CUL1: variants seen among roughly 807,000 people sequenced by gnomAD.
The protein encoded by CUL1 is cullin 1.
In CUL1, 24 loss-of-function variants were observed where a neutral mutation model predicts 118.0. The ratio of observed to expected loss-of-function variants is 0.20; its 90% confidence interval spans 0.15 to 0.29. The LOEUF (loss-of-function observed/expected upper bound fraction) is 0.29. CUL1 is among the 10% of genes least tolerant of loss of function. The pLI is 1.00. For missense variants in CUL1, 361 were observed against 933.8 expected (o/e 0.39, Z 7.99); for synonymous variants, 332 against 340.4 (o/e 0.98, Z 0.27).
At chr7:148,758,842 A>G (rs1379754324) in intron 4 of CUL1, among the ~76,000 whole-genome samples, 1 of 152,156 alleles carries the variant, frequency 6.6e-6, no homozygotes, top group Non-Finnish European at 1.5e-5. Context: ...TGTGTACACC[A>G]TGCCTTTTTG....
chr7:148,753,566 C>T (rs760775419), intron 2 of CUL1, among the ~76,000 whole-genome samples: 5 of 152,204 alleles, frequency 3.3e-5, no homozygotes, highest in African/African-American at 1.2e-4. Flanking sequence ...GAATCTGTGC[C>T]TCTGAAAAAG....
chr7:148,714,138 A>C (rs572276616), intron 1 of CUL1, among the ~76,000 whole-genome samples: 68 of 152,338 alleles, frequency 4.5e-4, no homozygotes, highest in Non-Finnish European at 9.1e-4. Flanking sequence ...CAATTCTGAG[A>C]AGTCGGTATT....
At position 148,754,424 on chromosome 7, in the gene CUL1, C is replaced by T. The variant is rs77326806; in HGVS notation, c.315+274C>T. On this transcript the variant is annotated intron_variant, in intron 3 of 21. Transcript: ENST00000325222. ...CTGGGCTCAAGTGATCCTTCCACTT[C>T]GGCCTCCTGAGTAGCTGAGACTCTG... 4.5e-3 allele frequency among the ~76,000 whole-genome samples: 682 copies of T among 152,230 alleles called. 8 individuals are homozygous for T. Among genetic ancestry groups the T allele is most frequent in the African/African-American group, 0.015 (631 of 41,552 alleles).
intron 9 of CUL1, among the ~76,000 whole-genome samples, chr7:148,774,911 G>A (rs1437612282): frequency 6.6e-6 from 1 of 152,228 alleles, no homozygotes; most frequent in African/African-American, 2.4e-5. Flanking sequence ...CAGGATTGGG[G>A]TGATGGTATA....
At chr7:148,730,892 G>A (rs762971475) in intron 2 of CUL1, among the ~76,000 whole-genome samples, 39 of 152,112 alleles carry the variant, frequency 2.6e-4, no homozygotes, top group Non-Finnish European at 4.9e-4. Context: ...GCTCACCGCA[G>A]CCTCAACTAC....
At position 148,800,122 on chromosome 7, in the gene CUL1, C is replaced by G. The variant is rs1019606459; in HGVS notation, c.2251-380C>G. Among the ~76,000 whole-genome samples, 1 of 152,178 alleles carries G rather than the reference C, an allele frequency of 6.6e-6. No individual in the cohort carries two copies. The highest frequency in any genetic ancestry group is 1.5e-5 in the Non-Finnish European group (1 of 68,046). On this transcript the variant is annotated intron_variant, in intron 21 of 21. Transcript: ENST00000325222. The surrounding 1 kb of genome is among the most constrained non-coding windows in gnomAD (Gnocchi z 4.6). ...AGGTGCCAGTTCGTTCATGGCTGTT[C>G]AGGGAGTTCCCCACAGTCCCCTGTT...
Position 148,730,142 on chromosome 7 carries a change from A to G in CUL1, c.20A>G (p.Gln7Arg). Reference protein sequence around the residue: MSSTRSQNPHGLKQIGL... With the variant: MSSTRSRNPHGLKQIGL... Reference sequence around the variant, plus strand: ...CTCACAATGTCGTCAACCCGGAGCCAGAACCCCCACGGCCTGAAGCAGATT... The same window carrying G: ...CTCACAATGTCGTCAACCCGGAGCCGGAACCCCCACGGCCTGAAGCAGATT... Residue 7 changes from glutamine (Q) to arginine (R), a missense_variant, in exon 2 of 22, where the codon CAG becomes CGG. Coordinates refer to ENST00000325222, the MANE Select transcript of CUL1 (RefSeq NM_003592.3). 6.2e-7 allele frequency: 1 copy of G among 1,613,910 alleles called. No homozygotes were observed. The highest frequency in any genetic ancestry group is 8.5e-7 in the Non-Finnish European group (1 of 1,179,968).
At chr7:148,792,889 G>A in intron 17 of CUL1, 71 bp downstream of exon 17, 1 of 1,105,054 alleles carries the variant, frequency 9.0e-7, no homozygotes, top group Non-Finnish European at 1.3e-6. Flanking sequence ...TGTTAGGAAA[G>A]ATAAGGAAGA....
At chr7:148,755,527 A>G (rs1171431859) in intron 3 of CUL1, among the ~76,000 whole-genome samples, 1 of 152,200 alleles carries the variant, frequency 6.6e-6, no homozygotes, top group African/African-American at 2.4e-5. Context: ...TATTATTTTC[A>G]TCTTCCCCAA....
At chr7:148,789,558 C>G (rs537572744) in intron 14 of CUL1, among the ~76,000 whole-genome samples, 192 bp from the exon 15 acceptor site, 17 of 152,268 alleles carry the variant, frequency 1.1e-4, no homozygotes, top group African/African-American at 4.1e-4. Flanking sequence ...GAGTATCTGG[C>G]TCTTGCACTT....
At chr7:148,714,853 G>A (rs1180930099) in intron 1 of CUL1, among the ~76,000 whole-genome samples, 1 of 151,790 alleles carries the variant, frequency 6.6e-6, no homozygotes, top group African/African-American at 2.4e-5. Flanking sequence ...TCTGCTGTAA[G>A]TAAGTATCAT....
rs1044053233 is a variant in CUL1, at chr7:148,768,363, T to C, written c.1083+614T>C. 3.4e-5 allele frequency among the ~76,000 whole-genome samples: 5 copies of C among 147,298 alleles called. No homozygotes were observed. The East Asian group carries it at 8.0e-4, about 24-fold the overall frequency. On this transcript the variant is annotated intron_variant, in intron 9 of 21. Coordinates refer to ENST00000325222, the MANE Select transcript of CUL1 (RefSeq NM_003592.3). ...ACTTCAGTTGTAACTGGGAGAACAATAGAGAAGAAAAGCTCTTTTTTTTTT... is the reference window on the plus strand; with the variant it reads ...ACTTCAGTTGTAACTGGGAGAACAACAGAGAAGAAAAGCTCTTTTTTTTTT...
At chr7:148,752,927 C>T (rs764108412) in intron 2 of CUL1, among the ~76,000 whole-genome samples, 5 of 152,250 alleles carry the variant, frequency 3.3e-5, no homozygotes, top group African/African-American at 4.8e-5. Flanking sequence ...GCTGGGATTA[C>T]AGGCGCGAGC....
Position 148,766,963 on chromosome 7 carries a change from C to T in CUL1, c.952+240C>T, listed in dbSNP as rs928571578. On this transcript the variant is annotated intron_variant, in intron 8 of 21. Transcript: ENST00000325222. ...CCATACACTTTAGCATTAAATGATGCTACCCCAAGTTTTTTCTTGACTGTT... is the reference window on the plus strand; with the variant it reads ...CCATACACTTTAGCATTAAATGATGTTACCCCAAGTTTTTTCTTGACTGTT... 1.8e-4 allele frequency among the ~76,000 whole-genome samples: 28 copies of T among 152,126 alleles called. No homozygotes were observed. In the South Asian group the frequency reaches 3.9e-3, roughly 21 times the overall value.
intron 1 of CUL1, among the ~76,000 whole-genome samples, chr7:148,707,505 A>T (rs1285948116): frequency 1.3e-5 from 2 of 150,612 alleles, no homozygotes; most frequent in Non-Finnish European, 3.0e-5. Context: ...TTAAATAATA[A>T]TTTTTTTTTT....
intron 1 of CUL1, among the ~76,000 whole-genome samples, chr7:148,707,460 T>C (rs1563145419): frequency 6.6e-6 from 1 of 152,212 alleles, no homozygotes; most frequent in African/African-American, 2.4e-5. Context: ...TTACATGTTA[T>C]TGGTGGTGTC....
intron 9 of CUL1, among the ~76,000 whole-genome samples, chr7:148,772,668 G>T (rs915671118): frequency 1.3e-5 from 2 of 152,160 alleles, no homozygotes; most frequent in Non-Finnish European, 2.9e-5. Context: ...ACATCTCCGT[G>T]ACCTCATCTG....
At chr7:148,725,202 C>CACACACGCGCGCGCGCGTGT in intron 1 of CUL1, among the ~76,000 whole-genome samples, 1 of 134,026 alleles carries the variant, frequency 7.5e-6, no homozygotes, top group South Asian at 2.6e-4. Flanking sequence ...CGCGTGTACA[C>CACACACGCGCGCGCGCGTGT]ACACACACAC....
intron 1 of CUL1, among the ~76,000 whole-genome samples, chr7:148,700,347 G>A (rs1489107410): frequency 1.3e-5 from 2 of 152,158 alleles, no homozygotes; most frequent in East Asian, 3.8e-4. Context: ...TTAACGCCTC[G>A]CAGAAGTGTG....
Sources: gnomAD v4.1 joint callset for allele counts (sites outside exome capture counted in the v4.1 genomes callset) on GRCh38, gnomAD v4.1.1 for gene constraint, Gnocchi (gnomAD v3.1) non-coding constraint, MANE v1.5 for transcripts, NCBI Gene and HGNC (gene_info 2026-07-23, HGNC 2026-07-21) for gene names.